Variants in ARNT observed in about 807,000 individuals in gnomAD.
The protein encoded by ARNT is class E basic helix-loop-helix protein 2.
ARNT carries 30 observed loss-of-function variants against 105.0 expected under a neutral mutation model. That is an observed-to-expected ratio of 0.29 (90% CI 0.21 to 0.39). ARNT has a LOEUF of 0.39. ARNT is among the 10% of genes least tolerant of loss of function. The pLI, the probability that ARNT is intolerant of heterozygous loss-of-function variation, is 1.00. For missense variants in ARNT, 748 were observed against 978.7 expected (o/e 0.76, Z 3.15); for synonymous variants, 304 against 344.0 (o/e 0.88, Z 1.29).
rs756342019 is a variant in ARNT at position 150,814,099 on chromosome 1, G to T, written c.2091C>A (p.Leu697=). Residue 697 remains leucine, a synonymous_variant, in exon 20 of 22, where the codon CTC becomes CTA. Coordinates refer to ENST00000358595, the MANE Select transcript of ARNT (RefSeq NM_001668.4). ...CACCAAAGTTAGATCCACGATTGGT[G>T]AGACTAGGGTAGGCAGCAGCACCAG... ...ASPGAAAYPS[L]TNRGSNFAPE... 4 of 1,614,130 alleles carry T rather than the reference G, an allele frequency of 2.5e-6. No individual in the cohort carries two copies. The highest frequency in any genetic ancestry group is 2.5e-6 in the Non-Finnish European group (3 of 1,180,020).
chr1:150,852,048 A>C (rs587670824), intron 3 of ARNT, among the ~76,000 whole-genome samples: 1 of 131,758 alleles, frequency 7.6e-6, no homozygotes, highest in East Asian at 2.3e-4. Context: ...GTCTCAAAAA[A>C]AAAAAAAACA....
At chr1:150,864,032 G>C (rs1666119128) in intron 1 of ARNT, among the ~76,000 whole-genome samples, 1 of 152,026 alleles carries the variant, frequency 6.6e-6, no homozygotes, top group Non-Finnish European at 1.5e-5. Flanking sequence ...TAGGTATGTA[G>C]GTGTATAGCC....
chr1:150,869,732 T>C (rs1012307494), intron 1 of ARNT, among the ~76,000 whole-genome samples: 2 of 151,930 alleles, frequency 1.3e-5, no homozygotes, highest in African/African-American at 4.8e-5. Context: ...ATATATATTT[T>C]TGTGGAGACA....
chr1:150,853,229 C>G (rs1319716745), intron 2 of ARNT: 1 of 340,216 alleles, frequency 2.9e-6, no homozygotes, highest in East Asian at 1.0e-4. Flanking sequence ...TTCAGTGAGC[C>G]AAGATCGCAC....
chr1:150,814,562 G>C (rs1325396610), intron 19 of ARNT, among the ~76,000 whole-genome samples: 1 of 152,204 alleles, frequency 6.6e-6, no homozygotes, highest in African/African-American at 2.4e-5. Context: ...AGGCCAGGCG[G>C]GGTGGCTCAT....
At chr1:150,873,915 G>A (rs1667853621) in intron 1 of ARNT, among the ~76,000 whole-genome samples, 1 of 148,946 alleles carries the variant, frequency 6.7e-6, no homozygotes, top group Non-Finnish European at 1.5e-5. Context: ...GCAAGAACCT[G>A]TCTGAAAAAT....
At chr1:150,865,639 A>T (rs752526390) in intron 1 of ARNT, among the ~76,000 whole-genome samples, 2 of 152,174 alleles carry the variant, frequency 1.3e-5, no homozygotes, top group African/African-American at 2.4e-5. Flanking sequence ...TACTCTCTGG[A>T]GAGTATAAAT....
intron 13 of ARNT, among the ~76,000 whole-genome samples, chr1:150,825,820 C>T (rs1040617163): frequency 2.0e-5 from 3 of 150,784 alleles, no homozygotes; most frequent in Non-Finnish European, 3.0e-5. Context: ...TACACTCCAC[C>T]CTGGCGACAG....
chr1:150,826,940 C>T (rs1557873767), intron 12 of ARNT, among the ~76,000 whole-genome samples: 1 of 151,988 alleles, frequency 6.6e-6, no homozygotes, highest in Non-Finnish European at 1.5e-5. Context: ...AGCCACCGTG[C>T]CCAGCCAACA....
Position 150,813,258 on chromosome 1 carries a change from G to A in ARNT, c.2194C>T (p.Gln732Ter). 6.2e-7 allele frequency: 1 copy of A among 1,613,902 alleles called. No homozygotes were observed. The highest frequency in any genetic ancestry group is 1.1e-5 in the South Asian group (1 of 91,014). The change falls in exon 21 of 22, where the codon CAG becomes TAG. Residue 732 changes from glutamine (Q) to a stop codon, truncating the protein, a stop_gained. Coordinates refer to ENST00000358595, the MANE Select transcript of ARNT (RefSeq NM_001668.4). LOFTEE classifies it high-confidence loss of function. ...GAACTTGAACGATGATGAGGCTGCTGGCCCTGCCACTGTGGCCAGACACCC... is the reference window on the plus strand; with the variant it reads ...GAACTTGAACGATGATGAGGCTGCTAGCCCTGCCACTGTGGCCAGACACCC... Reference protein sequence around the residue: ...GVGVWPQWQGQQPHHRSSSSE... With the variant: ...GVGVWPQWQG
chr1:150,816,704 A>G, intron 18 of ARNT, 84 bp downstream of exon 18: 1 of 1,425,106 alleles, frequency 7.0e-7, no homozygotes, highest in Non-Finnish European at 9.4e-7. Context: ...AAGTAACCAG[A>G]GAAAGCAAGG....
At chr1:150,828,665 A>G (rs778820258) in intron 12 of ARNT, among the ~76,000 whole-genome samples, 5 of 152,196 alleles carry the variant, frequency 3.3e-5, no homozygotes, top group Non-Finnish European at 5.9e-5. Flanking sequence ...TTAAAAGTTT[A>G]TATGATGCGT....
At chr1:150,837,725 T>C (rs1274441705) in intron 6 of ARNT, among the ~76,000 whole-genome samples, 1 of 152,206 alleles carries the variant, frequency 6.6e-6, no homozygotes, top group African/African-American at 2.4e-5. Context: ...ACCAAGTCTA[T>C]AGCCCTAGAC....
intron 1 of ARNT, among the ~76,000 whole-genome samples, chr1:150,867,311 C>T (rs587614663): frequency 1.3e-5 from 2 of 151,894 alleles, no homozygotes; most frequent in African/African-American, 4.8e-5. Context: ...GGGGGGACTA[C>T]TTGAGCTCAG....
chr1:150,858,788 AT>A (rs752944376), intron 1 of ARNT, among the ~76,000 whole-genome samples: 782 of 136,952 alleles, frequency 5.7e-3, no homozygotes, highest in Admixed American at 5.7e-3. Flanking sequence ...CACCCAGTTA[AT>A]TTTTTTTTTT....
At chr1:150,816,661 C>T (rs940844933) in intron 18 of ARNT, 127 bp downstream of exon 18, 89 of 1,150,322 alleles carry the variant, frequency 7.7e-5, no homozygotes, top group Middle Eastern at 2.7e-4. Context: ...GTTTGCCTCA[C>T]GCTAGGCCCT....
intron 1 of ARNT, among the ~76,000 whole-genome samples, chr1:150,861,491 G>A (rs927105139): frequency 3.9e-5 from 6 of 152,204 alleles, no homozygotes; most frequent in African/African-American, 1.4e-4. Context: ...GGCAACCCAA[G>A]TGTCTATCTA....
chr1:150,871,656 T>C (rs1384689537), intron 1 of ARNT, among the ~76,000 whole-genome samples: 1 of 138,868 alleles, frequency 7.2e-6, no homozygotes, highest in Non-Finnish European at 1.5e-5. Flanking sequence ...ACGCCTGTAA[T>C]CCCAGCACTT....
chr1:150,856,069 AT>A (rs1189362191), intron 2 of ARNT, among the ~76,000 whole-genome samples: 3 of 152,244 alleles, frequency 2.0e-5, no homozygotes, highest in African/African-American at 7.2e-5. Flanking sequence ...ACTGAAGGAC[AT>A]GCACTAAAAA....
Sources: allele counts gnomAD v4.1 joint callset (sites outside exome capture counted in the v4.1 genomes callset), GRCh38; gene constraint gnomAD v4.1.1; transcripts MANE v1.5; gene names NCBI Gene and HGNC (gene_info 2026-07-23, HGNC 2026-07-21).